LRFN2: variants seen among roughly 807,000 people sequenced by gnomAD.
LRFN2 encodes leucine rich repeat and fibronectin type III domain containing 2.
Under a neutral mutation model 37.3 loss-of-function variants are expected in LRFN2, and 18 were observed. That is an observed-to-expected ratio of 0.48 (90% CI 0.33 to 0.72). The LOEUF is 0.72. Among genes scored for constraint, LRFN2 ranks in the 30% least tolerant of loss-of-function variants. The pLI, the probability that LRFN2 is intolerant of heterozygous loss-of-function variation, is 0.02. For missense variants in LRFN2, 1,006 were observed against 1,060.7 expected (o/e 0.95, Z 0.72); for synonymous variants, 556 against 466.6 (o/e 1.19, Z -2.47).
chr6:40,505,150 A>C (rs1488425026), intron 1 of LRFN2, among the ~76,000 whole-genome samples: 1 of 152,146 alleles, frequency 6.6e-6, no homozygotes, highest in Non-Finnish European at 1.5e-5. Context: ...TCAGGTGGGC[A>C]TCTGTGATTG....
intron 2 of LRFN2, among the ~76,000 whole-genome samples, chr6:40,398,795 T>G (rs759319206): frequency 1.5e-4 from 23 of 151,824 alleles, no homozygotes; most frequent in Non-Finnish European, 3.1e-4. Context: ...CTCTGGATTG[T>G]TTTTCTTTTT....
chr6:40,435,050 TATAGAGAGAGAGAGAGAGAG>T (rs1470603493), intron 1 of LRFN2, among the ~76,000 whole-genome samples: 2 of 60,044 alleles, frequency 3.3e-5, no homozygotes, highest in African/African-American at 1.5e-4. Context: ...TATATATATA[TATAGAGAGAGAGAGAGAGAG>T]AGAGAGAGAG....
rs551165378 is a variant in LRFN2 at position 40,575,270 on chromosome 6, C to T, written c.-19+11671G>A. Among the ~76,000 whole-genome samples the T allele has an allele frequency of 2.0e-5, 3 of 150,030 alleles. No homozygotes were observed. In the South Asian group the frequency reaches 6.8e-4, roughly 34 times the overall value. ...TCTTCCCCTGCTGCCCACTGGCTCA[C>T]TGTGCTCCTGGGAGCTAAGCCCAGC... On this transcript the variant is annotated intron_variant, in intron 1 of 2. Transcript: ENST00000338305.
chr6:40,392,622 G>C lies in LRFN2; in HGVS notation c.1691C>G (p.Ala564Gly), dbSNP rs781552497. The C allele has an allele frequency of 6.2e-7, 1 of 1,610,864 alleles. No homozygotes were observed. The highest frequency in any genetic ancestry group is 1.3e-5 in the African/African-American group (1 of 74,954). ...CACGGCCGCTGCCATCTTGCTGGGGGCCTCGTGGTTGCAGACCTTGTAGCG... is the reference window on the plus strand; with the variant it reads ...CACGGCCGCTGCCATCTTGCTGGGGCCCTCGTGGTTGCAGACCTTGTAGCG... ...MVRYKVCNHE[A>G]PSKMAAAVSN... The change falls in exon 3 of 3, where the codon GCC (alanine) becomes GGC (glycine). Residue 564 changes from alanine (A) to glycine (G), a missense_variant. Coordinates refer to ENST00000338305, the MANE Select transcript of LRFN2 (RefSeq NM_020737.3). The surrounding 1 kb of genome is among the most constrained non-coding windows in gnomAD (Gnocchi z 4.7).
chr6:40,437,896 A>G (rs555870951), intron 1 of LRFN2, among the ~76,000 whole-genome samples: 8 of 152,344 alleles, frequency 5.3e-5, no homozygotes, highest in African/African-American at 1.9e-4. Flanking sequence ...ACAACAGAAT[A>G]TTCAGAAGCT....
intron 1 of LRFN2, among the ~76,000 whole-genome samples, chr6:40,468,487 T>G (rs1003086062): frequency 5.3e-5 from 8 of 152,104 alleles, no homozygotes; most frequent in African/African-American, 1.7e-4. Context: ...TGGGCTCAGA[T>G]GTAGGTCACA....
chr6:40,483,814 G>A (rs1764888823), intron 1 of LRFN2, among the ~76,000 whole-genome samples: 2 of 152,136 alleles, frequency 1.3e-5, no homozygotes, highest in Non-Finnish European at 2.9e-5. Context: ...GACAGGTTCT[G>A]ACATTATATC....
At chr6:40,400,621 A>T (rs182505690) in intron 2 of LRFN2, among the ~76,000 whole-genome samples, 1 of 151,564 alleles carries the variant, frequency 6.6e-6, no homozygotes, top group African/African-American at 2.4e-5. Context: ...GGGTTTCACC[A>T]TGTTGGCCAG....
intron 1 of LRFN2, among the ~76,000 whole-genome samples, chr6:40,583,131 C>CA (rs984830728): frequency 2.7e-5 from 4 of 149,960 alleles, no homozygotes; most frequent in African/African-American, 4.9e-5. Context: ...GGTGGGGAGG[C>CA]AAAAAAAGAG....
chr6:40,512,773 C>G (rs1242172850), intron 1 of LRFN2, among the ~76,000 whole-genome samples: 3 of 152,214 alleles, frequency 2.0e-5, no homozygotes, highest in Non-Finnish European at 4.4e-5. Context: ...GACACACGTC[C>G]TTTATGCTGA....
At chr6:40,421,944 T>C (rs1763237831) in intron 2 of LRFN2, among the ~76,000 whole-genome samples, 1 of 152,184 alleles carries the variant, frequency 6.6e-6, no homozygotes, top group Admixed American at 6.5e-5. Context: ...TGGTGAGTTA[T>C]CATTATCTCC....
rs115810355 is a variant in LRFN2 at position 40,480,653 on chromosome 6, C to T, written c.-18-47522G>A. ...GGGCAGTCTTAGATTTGAATCCTGA[C>T]TCCTTGCCCTGCTTGCTGTGTGGCT... On this transcript the variant is annotated intron_variant, in intron 1 of 2. Coordinates refer to ENST00000338305, the MANE Select transcript of LRFN2 (RefSeq NM_020737.3). Among the ~76,000 whole-genome samples, 362 of 152,232 alleles carry T rather than the reference C, an allele frequency of 2.4e-3. 2 individuals are homozygous for T. The highest frequency in any genetic ancestry group is 0.01 in the South Asian group (49 of 4,824).
chr6:40,465,025 G>A (rs1411974821), intron 1 of LRFN2, among the ~76,000 whole-genome samples: 1 of 152,142 alleles, frequency 6.6e-6, no homozygotes, highest in African/African-American at 2.4e-5. Context: ...TAAATATTAT[G>A]CTGGATTATC....
At chr6:40,438,877 G>A (rs1050646779) in intron 1 of LRFN2, among the ~76,000 whole-genome samples, 1 of 152,164 alleles carries the variant, frequency 6.6e-6, no homozygotes, top group Non-Finnish European at 1.5e-5. Context: ...ATATAAAGTT[G>A]TGGAACTAGG....
chr6:40,466,379 G>A (rs1200126001), intron 1 of LRFN2, among the ~76,000 whole-genome samples: 1 of 152,180 alleles, frequency 6.6e-6, no homozygotes, highest in African/African-American at 2.4e-5. Context: ...AATGAAGCTT[G>A]GTCCCAGGGA....
chr6:40,453,980 G>C (rs1028024821), intron 1 of LRFN2, among the ~76,000 whole-genome samples: 5 of 152,110 alleles, frequency 3.3e-5, no homozygotes, highest in Non-Finnish European at 7.4e-5. Context: ...TTTTGTGCTG[G>C]ACTGTCTCTC....
intron 1 of LRFN2, among the ~76,000 whole-genome samples, chr6:40,446,065 G>C (rs1204519319): frequency 6.6e-6 from 1 of 152,186 alleles, no homozygotes; most frequent in Non-Finnish European, 1.5e-5. Context: ...AAAATAAAAA[G>C]CTGAAATGTA....
rs181439435 is a variant in LRFN2 at position 40,537,045 on chromosome 6, C to T, written c.-19+49896G>A. Among the ~76,000 whole-genome samples the T allele has an allele frequency of 7.6e-4, 115 of 152,298 alleles. 1 individual carries two copies. The highest frequency in any genetic ancestry group is 6.0e-3 in the Admixed American group (92 of 15,292). ...AGGCACGGAGGGTTGACATACCCTGCCAAAGGTTATGGAGCTAGTACACGG... is the reference window on the plus strand; with the variant it reads ...AGGCACGGAGGGTTGACATACCCTGTCAAAGGTTATGGAGCTAGTACACGG... On this transcript the variant is annotated intron_variant, in intron 1 of 2. Coordinates refer to ENST00000338305, the MANE Select transcript of LRFN2 (RefSeq NM_020737.3).
At chr6:40,419,136 T>C (rs1763161856) in intron 2 of LRFN2, among the ~76,000 whole-genome samples, 1 of 152,248 alleles carries the variant, frequency 6.6e-6, no homozygotes, top group Admixed American at 6.5e-5. Flanking sequence ...AAGGGGGCTT[T>C]CTGCCAGGAA....
Sources: allele counts gnomAD v4.1 joint callset (sites outside exome capture counted in the v4.1 genomes callset), GRCh38; gene constraint gnomAD v4.1.1; non-coding constraint Gnocchi (gnomAD v3.1); transcripts MANE v1.5; gene names NCBI Gene and HGNC (gene_info 2026-07-23, HGNC 2026-07-21).